Variants in FHIP2A observed in about 807,000 individuals in gnomAD.
FHIP2A encodes the protein FHF complex subunit HOOK interacting protein 2A, also known as family with sequence similarity 160 member B1.
Under a neutral mutation model 93.5 loss-of-function variants are expected in FHIP2A, and 46 were observed. The observed-to-expected ratio is 0.49, with a 90% CI of 0.39 to 0.63. FHIP2A has a LOEUF of 0.63. Ranked by LOEUF, FHIP2A falls within the 20% of genes least tolerant of loss-of-function variation. The pLI is 0.00. For missense variants in FHIP2A, 769 were observed against 909.7 expected, an observed-to-expected ratio of 0.85 and a Z score of 1.99; for synonymous variants, 332 against 326.5, an observed-to-expected ratio of 1.02 and a Z score of -0.18.
intron 2 of FHIP2A, among the ~76,000 whole-genome samples, chr10:114,831,465 C>T (rs1025467357): frequency 1.3e-5 from 2 of 152,126 alleles, no homozygotes; most frequent in African/African-American, 4.8e-5. Context: ...GCATGTGGCA[C>T]GCTTGGCACA....
chr10:114,897,682 G>A (rs960877157), intron 16 of FHIP2A, among the ~76,000 whole-genome samples: 2 of 152,094 alleles, frequency 1.3e-5, no homozygotes, highest in Non-Finnish European at 2.9e-5. Flanking sequence ...GGCCAAGATG[G>A]GCAGATTGCT....
At chr10:114,866,428 A>G (rs1164769212), downstream of FHIP2A, among the ~76,000 whole-genome samples, 1 of 152,204 alleles carries the variant, frequency 6.6e-6, no homozygotes, top group Non-Finnish European at 1.5e-5. Flanking sequence ...AATATACCCC[A>G]CTACCCACCT....
chr10:114,850,283 T>C (rs2083726978), intron 13 of FHIP2A, among the ~76,000 whole-genome samples: 1 of 152,216 alleles, frequency 6.6e-6, no homozygotes, highest in Non-Finnish European at 1.5e-5. Flanking sequence ...TTATTCTTTT[T>C]AAATTTTAGC....
intron 16 of FHIP2A, among the ~76,000 whole-genome samples, chr10:114,886,085 A>T (rs1365183802): frequency 2.0e-5 from 3 of 152,248 alleles, no homozygotes; most frequent in Non-Finnish European, 4.4e-5. Context: ...CCTTGATCAA[A>T]TAACAACTAC....
In FHIP2A at chr10:114,861,784, C is replaced by A; in HGVS notation, c.*244C>A. ...ATTGCACATTGTTGAATCCAGGATA[C>A]AATCAAAGGAACTTCAGGAAATAAG... On this transcript the variant is annotated 3_prime_UTR_variant, in exon 17 of 17. Transcript: ENST00000369248. The A allele has an allele frequency of 8.8e-7, 1 of 1,140,088 alleles. No homozygotes were observed. The highest frequency in any genetic ancestry group is 1.1e-6 in the Non-Finnish European group (1 of 927,868). 70.6% of individuals were successfully genotyped at this position (1,140,088 alleles called of 1,614,324 possible).
intron 16 of FHIP2A, among the ~76,000 whole-genome samples, chr10:114,877,452 A>G (rs1252949826): frequency 6.6e-6 from 1 of 152,104 alleles, no homozygotes; most frequent in Admixed American, 6.5e-5. Context: ...TTATACTGTC[A>G]GTATAATTAT....
At chr10:114,822,208 G>GCTTTGGCCCGGC in intron 1 of FHIP2A, 85 bp downstream of exon 1, 1 of 883,204 alleles carries the variant, frequency 1.1e-6, no homozygotes. Flanking sequence ...AAGCCGGGCG[G>GCTTTGGCCCGGC]CCTTGGCCCG....
At chr10:114,845,528 C>G in intron 8 of FHIP2A, 47 bp downstream of exon 8, 1 of 1,149,872 alleles carries the variant, frequency 8.7e-7, no homozygotes, top group South Asian at 1.4e-5. Context: ...ATATAAATAT[C>G]TATTAAGTGA....
intron 13 of FHIP2A, among the ~76,000 whole-genome samples, chr10:114,849,057 G>T (rs776910059): frequency 4.3e-5 from 6 of 140,590 alleles, no homozygotes; most frequent in Non-Finnish European, 1.5e-5. Context: ...CAGGAGAATC[G>T]CTTGAACCTG....
chr10:114,843,719 G>A (rs778053601), intron 6 of FHIP2A, 22 bp from the exon 7 acceptor site: 7 of 1,478,306 alleles, frequency 4.7e-6, no homozygotes, highest in Non-Finnish European at 6.3e-6. Flanking sequence ...AAGAATTGAA[G>A]GGGGATTTTT....
chr10:114,836,727 A>G (rs1193341585), intron 5 of FHIP2A, among the ~76,000 whole-genome samples: 1 of 152,190 alleles, frequency 6.6e-6, no homozygotes, highest in African/African-American at 2.4e-5. Context: ...TCACCAAATC[A>G]TAGTTTATTT....
intron 16 of FHIP2A, among the ~76,000 whole-genome samples, chr10:114,894,551 AGAGT>A (rs1479551541): frequency 6.6e-6 from 1 of 152,226 alleles, no homozygotes; most frequent in Non-Finnish European, 1.5e-5. Flanking sequence ...CCTGGGTGAC[AGAGT>A]GAGACCCTGT....
At chr10:114,822,210 C>T in intron 1 of FHIP2A, 87 bp downstream of exon 1, 2 of 855,714 alleles carry the variant, frequency 2.3e-6, no homozygotes, top group Non-Finnish European at 1.5e-6. Context: ...GCCGGGCGGC[C>T]TTGGCCCGGC....
chr10:114,824,174 G>A (rs901859444), intron 1 of FHIP2A, among the ~76,000 whole-genome samples: 1 of 152,134 alleles, frequency 6.6e-6, no homozygotes, highest in Non-Finnish European at 1.5e-5. Flanking sequence ...GAGATGTCCT[G>A]GAACTAGTCC....
intron 1 of FHIP2A, 113 bp downstream of exon 1, chr10:114,822,236 C>A (rs1425379887): frequency 1.7e-6 from 1 of 591,280 alleles, no homozygotes; most frequent in Non-Finnish European, 2.3e-6. Context: ...GCGGCCCTGT[C>A]CCCGGTTGGG....
chr10:114,874,148 A>G (rs1200079995), intron 16 of FHIP2A, among the ~76,000 whole-genome samples: 3 of 152,236 alleles, frequency 2.0e-5, no homozygotes, highest in African/African-American at 7.2e-5. Flanking sequence ...AGTGGGAAGC[A>G]CAGCTGAACT....
intron 1 of FHIP2A, among the ~76,000 whole-genome samples, chr10:114,830,113 A>T (rs921669793): frequency 1.3e-5 from 2 of 152,164 alleles, no homozygotes; most frequent in African/African-American, 4.8e-5. Context: ...TATATGTTTT[A>T]GTAGTGATGA....
chr10:114,825,175 A>C (rs972174256), intron 1 of FHIP2A, among the ~76,000 whole-genome samples: 1 of 151,846 alleles, frequency 6.6e-6, no homozygotes, highest in Non-Finnish European at 1.5e-5. Flanking sequence ...GCACCACCAC[A>C]CTCAATTTTT....
Position 114,861,835 on chromosome 10 carries a change from C to A in FHIP2A, c.*295C>A. On this transcript the variant is annotated 3_prime_UTR_variant, in exon 17 of 17. Coordinates refer to ENST00000369248, the MANE Select transcript of FHIP2A (RefSeq NM_020940.4). ...CATTTCTAATGACTGTGAAAAGCTG[C>A]AATATTTCCAATGTCATGACTTTGA... 9.6e-7 allele frequency: 1 copy of A among 1,036,512 alleles called. No individual in the cohort carries two copies. Among genetic ancestry groups the A allele is most frequent in the Non-Finnish European group, 1.2e-6 (1 of 862,710 alleles). The allele number at this position is 1,036,512 out of a possible 1,614,324, so 64.2% of individuals were successfully genotyped here.
Sources: allele counts gnomAD v4.1 joint callset (sites outside exome capture counted in the v4.1 genomes callset), GRCh38; gene constraint gnomAD v4.1.1; transcripts MANE v1.5; gene names NCBI Gene and HGNC (gene_info 2026-07-23, HGNC 2026-07-21).